PPP2R1A: variants seen among roughly 807,000 people sequenced by gnomAD.
PPP2R1A encodes serine/threonine-protein phosphatase 2A 65 kDa regulatory subunit A alpha isoform.
Under a neutral mutation model 67.1 loss-of-function variants are expected in PPP2R1A, and 15 were observed. The ratio of observed to expected loss-of-function variants is 0.22; its 90% CI spans 0.15 to 0.34. The LOEUF is 0.34. PPP2R1A is among the 10% of genes least tolerant of loss of function. PPP2R1A has a pLI of 1.00. For synonymous variants in PPP2R1A, 337 were observed against 325.0 expected, an observed-to-expected ratio of 1.04 and a Z score of -0.40; for missense variants, 369 against 775.0, an observed-to-expected ratio of 0.48 and a Z score of 6.22.
At position 52,213,447 on chromosome 19, in the gene PPP2R1A, G is replaced by GT. The variant is rs1286472399; in HGVS notation, c.807+343dup. On this transcript the variant is annotated intron_variant, in intron 6 of 14. Transcript: ENST00000322088. This position sits in a 1 kb window ranked among gnomAD's most constrained non-coding sequence, Gnocchi z 4.2. Reference sequence around the variant, plus strand: ...GGGGAAGACAGCCCAAAAAGGTGGGGTTTTTTGGTGTTTTTTTTTTTTTTT... The same window carrying GT: ...GGGGAAGACAGCCCAAAAAGGTGGGGTTTTTTTGGTGTTTTTTTTTTTTTTT... Among the ~76,000 whole-genome samples, 2 of 138,506 alleles carry GT rather than the reference G, an allele frequency of 1.4e-5. No homozygotes were observed. The highest frequency in any genetic ancestry group is 3.1e-5 in the Non-Finnish European group (2 of 64,476). The allele number at this position is 138,506 out of a possible 152,430, so 90.9% of individuals were successfully genotyped here.
At chr19:52,201,617 G>C (rs1019972155) in intron 1 of PPP2R1A, 43 of 338,104 alleles carry the variant, frequency 1.3e-4, no homozygotes, top group African/African-American at 8.4e-4. Context: ...ATGATACTGT[G>C]TATAGGAGAA....
chr19:52,190,259 G>C (rs1430806922), intron 1 of PPP2R1A, 85 bp downstream of exon 1: 60 of 1,451,636 alleles, frequency 4.1e-5, no homozygotes, highest in Non-Finnish European at 5.5e-5. Flanking sequence ...CTCAGCGTTC[G>C]CTGGGAGTGG....
rs1232245012 is a variant in PPP2R1A at position 52,212,124 on chromosome 19, C to T, written c.504-562C>T. 6.6e-6 allele frequency among the ~76,000 whole-genome samples: 1 copy of T among 152,246 alleles called. No individual in the cohort carries two copies. The highest frequency in any genetic ancestry group is 1.5e-5 in the Non-Finnish European group (1 of 68,040). On this transcript the variant is annotated intron_variant, in intron 4 of 14. Transcript: ENST00000322088. This position sits in a 1 kb window ranked among gnomAD's most constrained non-coding sequence, Gnocchi z 4.1. ...TTTTTGAGATAGGATCTCGCTCTGT[C>T]ATCCAGGCTGAAGTGCACTGGTGCA...
rs1979198698 is a variant in PPP2R1A at position 52,225,500 on chromosome 19, ATATGCAAAATGTTATTATTAAC to A, written c.1662-212_1662-191del. On this transcript the variant is annotated intron_variant, in intron 13 of 14. Coordinates refer to ENST00000322088, the MANE Select transcript of PPP2R1A (RefSeq NM_014225.6). ...AATCTTCTCTTATAGCTGTTTTGAA[ATATGCAAAATGTTATTATTAAC>A]TATGGTCACCCGCCTGTGCAGTGAT... 2.0e-5 allele frequency among the ~76,000 whole-genome samples: 3 copies of A among 152,292 alleles called. No individual in the cohort carries two copies. The South Asian group carries it at 6.2e-4, about 32-fold the overall frequency.
At position 52,216,392 on chromosome 19, in the gene PPP2R1A, G is replaced by A. The variant is rs939821812; in HGVS notation, c.994-137G>A. ...CTCATAAGGAATAGTGATTTCCCCT[G>A]TACCCTAAGCCATCCCCTGCTCTAT... On this transcript the variant is annotated intron_variant, in intron 8 of 14. Coordinates refer to ENST00000322088, the MANE Select transcript of PPP2R1A (RefSeq NM_014225.6). This position sits in a 1 kb window ranked among gnomAD's most constrained non-coding sequence, Gnocchi z 4.3. 3 of 1,189,480 alleles carry A rather than the reference G, an allele frequency of 2.5e-6. No individual in the cohort carries two copies. In the Admixed American group the frequency reaches 6.6e-5, roughly 26 times the overall value. 73.7% of individuals were successfully genotyped at this position (1,189,480 alleles called of 1,614,324 possible). A position where few individuals can be genotyped will look rare whatever the true frequency, so the allele number is the denominator to read the frequency against.
chr19:52,224,127 T>C (rs1226359462), intron 13 of PPP2R1A, among the ~76,000 whole-genome samples: 1 of 152,140 alleles, frequency 6.6e-6, no homozygotes, highest in East Asian at 1.9e-4. Flanking sequence ...TATGTCAAGT[T>C]CAGAAACAGG....
At position 52,211,532 on chromosome 19, in the gene PPP2R1A, C is replaced by G; in HGVS notation, c.503+40C>G. 4 of 1,562,182 alleles carry G rather than the reference C, an allele frequency of 2.6e-6. No individual in the cohort carries two copies. The highest frequency in any genetic ancestry group is 3.5e-6 in the Non-Finnish European group (4 of 1,151,742). The stretch of plus-strand genomic sequence containing the variant: ...CCTTGGAAGCTCCAAGCTCCCATCT[C>G]AGCTCCAACCTTCTCTAAAGCCTCA... On this transcript the variant is annotated intron_variant, in intron 4 of 14. Transcript: ENST00000322088. The surrounding 1 kb of genome is among the most constrained non-coding windows in gnomAD (Gnocchi z 5.3).
At chr19:52,220,349 C>G in intron 11 of PPP2R1A, 100 bp downstream of exon 11, 2 of 1,267,120 alleles carry the variant, frequency 1.6e-6, no homozygotes, top group South Asian at 2.4e-5. Context: ...GCTAGAGTCA[C>G]TCCCCACGCC....
chr19:52,193,226 G>T (rs140395875), intron 1 of PPP2R1A, among the ~76,000 whole-genome samples: 1 of 152,216 alleles, frequency 6.6e-6, no homozygotes, highest in Non-Finnish European at 1.5e-5. Flanking sequence ...AAGGAAGTAG[G>T]ACCTAAGGGT....
chr19:52,205,267 G>A, intron 2 of PPP2R1A, among the ~76,000 whole-genome samples: 1 of 152,178 alleles, frequency 6.6e-6, no homozygotes, highest in East Asian at 1.9e-4. Flanking sequence ...TAAGAGAGAG[G>A]CCTTTGGATG....
chr19:52,225,702 C>G lies in PPP2R1A; in HGVS notation c.1662-15C>G. 1.9e-6 allele frequency: 3 copies of G among 1,612,668 alleles called. No homozygotes were observed. The highest frequency in any genetic ancestry group is 2.5e-6 in the Non-Finnish European group (3 of 1,178,654). ...TGGCTCACCCTCTCTCTCCCTGTCTCCTTTCGCTTTCCAGCACCTTGCAGA... is the reference window on the plus strand; with the variant it reads ...TGGCTCACCCTCTCTCTCCCTGTCTGCTTTCGCTTTCCAGCACCTTGCAGA... On this transcript the variant is annotated splice_polypyrimidine_tract_variant and intron_variant, in intron 13 of 14. Transcript: ENST00000322088.
At chr19:52,190,745 G>C (rs1020747147) in intron 1 of PPP2R1A, among the ~76,000 whole-genome samples, 1 of 152,176 alleles carries the variant, frequency 6.6e-6, no homozygotes, top group African/African-American at 2.4e-5. Flanking sequence ...CCAAAGGTGG[G>C]GACTAGCCAA....
rs1979404108 is a variant in PPP2R1A at position 52,228,784 on chromosome 19, T to C, written c.*2803T>C. 6.6e-6 allele frequency: 1 copy of C among 152,308 alleles called. No individual in the cohort carries two copies. The highest frequency in any genetic ancestry group is 1.5e-5 in the Non-Finnish European group (1 of 68,114). 9.4% of individuals were successfully genotyped at this position (152,308 alleles called of 1,614,324 possible). A position where few individuals can be genotyped will look rare whatever the true frequency, so the allele number is the denominator to read the frequency against. On this transcript the variant is annotated 3_prime_UTR_variant, in exon 15 of 15. Coordinates refer to ENST00000322088, the MANE Select transcript of PPP2R1A (RefSeq NM_014225.6). ...TGTCTCCTTTTGTGATGACTGCACTTCTTTGGCTGTTTTTGCCAACAGCCT... is the reference window on the plus strand; with the variant it reads ...TGTCTCCTTTTGTGATGACTGCACTCCTTTGGCTGTTTTTGCCAACAGCCT...
chr19:52,197,626 G>A (rs1485739235), intron 1 of PPP2R1A, among the ~76,000 whole-genome samples: 1 of 152,112 alleles, frequency 6.6e-6, no homozygotes, highest in Non-Finnish European at 1.5e-5. Flanking sequence ...AGTGAGCTAC[G>A]ATTGTGCCAC....
chr19:52,215,830 T>A lies in PPP2R1A; in HGVS notation c.859T>A (p.Phe287Ile), dbSNP rs1314732985. ...EITKTDLVPA[F>I]QNLMKDCEAE... Reference sequence around the variant, plus strand: ...CACCAAGACAGACCTGGTCCCTGCCTTCCAGAACCTGATGAAAGACTGTGA... The same window carrying A: ...CACCAAGACAGACCTGGTCCCTGCCATCCAGAACCTGATGAAAGACTGTGA... The change falls in exon 7 of 15, where the codon TTC (phenylalanine) becomes ATC (isoleucine). Residue 287 changes from phenylalanine to isoleucine, a missense_variant. Transcript: ENST00000322088. 2 of 1,614,018 alleles carry A rather than the reference T, an allele frequency of 1.2e-6. No individual in the cohort carries two copies. The highest frequency in any genetic ancestry group is 2.2e-5 in the South Asian group (2 of 91,064).
intron 1 of PPP2R1A, chr19:52,191,355 T>G (rs892197199): frequency 1.3e-5 from 2 of 152,210 alleles, no homozygotes; most frequent in Non-Finnish European, 2.9e-5. Context: ...TGGAGGGACT[T>G]GTGAGGGACT....
rs775325257 is a variant in PPP2R1A at position 52,211,530 on chromosome 19, C to G, written c.503+38C>G. ...CTCCTTGGAAGCTCCAAGCTCCCAT[C>G]TCAGCTCCAACCTTCTCTAAAGCCT... On this transcript the variant is annotated intron_variant, in intron 4 of 14. Transcript: ENST00000322088. This position sits in a 1 kb window ranked among gnomAD's most constrained non-coding sequence, Gnocchi z 5.3. The G allele has an allele frequency of 3.2e-6, 5 of 1,570,184 alleles. No homozygotes were observed. Among genetic ancestry groups the G allele is most frequent in the Non-Finnish European group, 4.3e-6 (5 of 1,155,554 alleles).
intron 13 of PPP2R1A, among the ~76,000 whole-genome samples, chr19:52,225,472 C>G (rs1483716235): frequency 6.6e-6 from 1 of 152,160 alleles, no homozygotes; most frequent in African/African-American, 2.4e-5. Context: ...TGAGAACATT[C>G]AAAATCTTCT....
At chr19:52,196,053 A>C (rs1187724446) in intron 1 of PPP2R1A, among the ~76,000 whole-genome samples, 1 of 152,208 alleles carries the variant, frequency 6.6e-6, no homozygotes, top group Non-Finnish European at 1.5e-5. Flanking sequence ...ACATTAGCAT[A>C]CAAAAAGCGC....
Sources: gnomAD v4.1 joint callset for allele counts (sites outside exome capture counted in the v4.1 genomes callset) on GRCh38, gnomAD v4.1.1 for gene constraint, Gnocchi (gnomAD v3.1) non-coding constraint, MANE v1.5 for transcripts, NCBI Gene and HGNC (gene_info 2026-07-23, HGNC 2026-07-21) for gene names.